Variants in TM4SF20 observed in about 807,000 individuals in gnomAD.
TM4SF20 encodes the protein transmembrane 4 L6 family member 20.
A neutral mutation model predicts 15.1 loss-of-function variants in TM4SF20; 13 were observed. The observed-to-expected ratio is 0.86, with a 90% CI of 0.56 to 1.36. TM4SF20 has a LOEUF of 1.36. Ranked by LOEUF, TM4SF20 falls within the 40% of genes most tolerant of loss-of-function variation. TM4SF20 has a pLI of 0.00. For missense variants in TM4SF20, 282 were observed against 268.4 expected (o/e 1.05, Z -0.35); for synonymous variants, 92 against 96.6 (o/e 0.95, Z 0.28).
chr2:227,370,821 G>T, intron 2 of TM4SF20, 94 bp downstream of exon 2: 2 of 991,908 alleles, frequency 2.0e-6, no homozygotes, highest in Non-Finnish European at 3.2e-6. Flanking sequence ...GCCCCACTGT[G>T]ATTCGGTAGA....
At chr2:227,369,445 TG>T (rs2076409880) in intron 2 of TM4SF20, among the ~76,000 whole-genome samples, 1 of 150,786 alleles carries the variant, frequency 6.6e-6, no homozygotes, top group Non-Finnish European at 1.5e-5. Flanking sequence ...TTTTTTTTTT[TG>T]AGAGAGTCTT....
intron 2 of TM4SF20, among the ~76,000 whole-genome samples, chr2:227,366,716 CAAAAAAAAAAAAAAAAAAAAAAA>C (rs59401554): frequency 4.4e-5 from 3 of 68,188 alleles, no homozygotes; most frequent in Non-Finnish European, 5.5e-5. Flanking sequence ...AAGACTCTGT[CAAAAAAAAAAAAAAAAAAAAAAA>C]AAAAAAAAAA....
intron 1 of TM4SF20, among the ~76,000 whole-genome samples, chr2:227,375,919 CCTTT>C (rs1560007317): frequency 6.6e-6 from 1 of 152,034 alleles, no homozygotes; most frequent in African/African-American, 2.4e-5. Flanking sequence ...AATAAAATGG[CCTTT>C]CTGTTTATAT....
rs1419400139 is a variant in TM4SF20 at position 227,372,243 on chromosome 2, G to A, written c.184-1263C>T. Among the ~76,000 whole-genome samples, 4 of 152,088 alleles carry A rather than the reference G, an allele frequency of 2.6e-5. No individual in the cohort carries two copies. In the South Asian group the frequency reaches 6.2e-4, roughly 24 times the overall value. On this transcript the variant is annotated intron_variant, in intron 1 of 3. Transcript: ENST00000304568. ...TTCCATCCTCATAATAATCCTATGA[G>A]GTAGGTGCTATTATTATTCCCATTT...
intron 1 of TM4SF20, among the ~76,000 whole-genome samples, chr2:227,377,029 C>T (rs1213444809): frequency 2.6e-5 from 4 of 152,228 alleles, no homozygotes; most frequent in Non-Finnish European, 5.9e-5. Flanking sequence ...TCTTTCTCTT[C>T]TCTCCCTGCC....
chr2:227,377,085 T>C (rs2076454846), intron 1 of TM4SF20, among the ~76,000 whole-genome samples: 1 of 152,166 alleles, frequency 6.6e-6, no homozygotes, highest in Non-Finnish European at 1.5e-5. Flanking sequence ...GATGTAGGTA[T>C]GTGTCATCGC....
intron 1 of TM4SF20, among the ~76,000 whole-genome samples, chr2:227,373,261 A>T (rs955757965): frequency 6.7e-6 from 1 of 149,666 alleles, no homozygotes; most frequent in Admixed American, 6.6e-5. Flanking sequence ...CTGATGATGT[A>T]CTGCCTCCAT....
chr2:227,378,365 A>G (rs1257159998), intron 1 of TM4SF20, among the ~76,000 whole-genome samples: 3 of 152,226 alleles, frequency 2.0e-5, no homozygotes, highest in Non-Finnish European at 4.4e-5. Context: ...CAGAATTCTC[A>G]GGAGAAAATC....
chr2:227,367,444 A>C (rs1486545249), intron 2 of TM4SF20, among the ~76,000 whole-genome samples: 1 of 151,934 alleles, frequency 6.6e-6, no homozygotes, highest in African/African-American at 2.4e-5. Context: ...GAGGCCAAGG[A>C]GGGTAGATTG....
intron 1 of TM4SF20, among the ~76,000 whole-genome samples, chr2:227,377,607 T>C (rs2076457250): frequency 1.3e-5 from 2 of 152,232 alleles, no homozygotes; most frequent in Non-Finnish European, 2.9e-5. Flanking sequence ...TAGAAAACTA[T>C]GTCCTGAATT....
intron 1 of TM4SF20, among the ~76,000 whole-genome samples, chr2:227,372,747 C>T (rs1238485559): frequency 2.0e-5 from 3 of 152,142 alleles, no homozygotes; most frequent in Non-Finnish European, 4.4e-5. Flanking sequence ...CTCTGTCACC[C>T]AGGCTGAAGT....
intron 1 of TM4SF20, among the ~76,000 whole-genome samples, chr2:227,372,884 C>A (rs899843387): frequency 5.3e-5 from 8 of 151,908 alleles, no homozygotes; most frequent in Admixed American, 1.3e-4. Context: ...TTAATTTATT[C>A]TGGGGGGCAT....
Position 227,362,837 on chromosome 2 carries a change from C to T in TM4SF20, c.*887G>A, listed in dbSNP as rs368363948. 1.3e-5 allele frequency: 2 copies of T among 152,182 alleles called. No homozygotes were observed. Among genetic ancestry groups the T allele is most frequent in the African/African-American group, 4.8e-5 (2 of 41,438 alleles). The allele number at this position is 152,182 out of a possible 1,614,324, so 9.4% of individuals were successfully genotyped here. On this transcript the variant is annotated 3_prime_UTR_variant, in exon 4 of 4. Transcript: ENST00000304568. Reference sequence around the variant, plus strand: ...TTTATACTATAAAACCATTATCAGACCTACCAAAATTAACAATAATCCGAT... The same window carrying T: ...TTTATACTATAAAACCATTATCAGATCTACCAAAATTAACAATAATCCGAT...
intron 1 of TM4SF20, among the ~76,000 whole-genome samples, chr2:227,377,836 G>A (rs2076459140): frequency 6.6e-6 from 1 of 152,152 alleles, no homozygotes; most frequent in African/African-American, 2.4e-5. Flanking sequence ...GGAGAGTGGA[G>A]GGTGGGAGGA....
intron 1 of TM4SF20, 43 bp downstream of exon 1, chr2:227,379,043 A>G: frequency 6.3e-7 from 1 of 1,589,122 alleles, no homozygotes; most frequent in Non-Finnish European, 8.6e-7. Flanking sequence ...TTGGTGAAAT[A>G]GGCAGGCCCT....
At chr2:227,379,025 T>C (rs1466145098) in intron 1 of TM4SF20, 61 bp downstream of exon 1, 1 of 1,544,542 alleles carries the variant, frequency 6.5e-7, no homozygotes, top group Non-Finnish European at 8.8e-7. Context: ...AAGACAGCTT[T>C]TAGGATTTTG....
intron 1 of TM4SF20, among the ~76,000 whole-genome samples, chr2:227,377,900 C>T (rs915421734): frequency 1.5e-4 from 23 of 151,682 alleles, no homozygotes; most frequent in African/African-American, 3.2e-4. Flanking sequence ...ATCTGGATGA[C>T]GAAATAATCT....
At chr2:227,378,012 C>T (rs761073285) in intron 1 of TM4SF20, among the ~76,000 whole-genome samples, 2 of 151,828 alleles carry the variant, frequency 1.3e-5, no homozygotes, top group African/African-American at 2.4e-5. Context: ...AAGTCACCTC[C>T]GTGTTTTATT....
chr2:227,380,905 A>AG (rs1388251173), upstream of TM4SF20, among the ~76,000 whole-genome samples: 5 of 152,210 alleles, frequency 3.3e-5, no homozygotes, highest in African/African-American at 4.8e-5. Context: ...GCTCCAGACT[A>AG]GGGGGTCCAG....
Sources: allele counts gnomAD v4.1 joint callset (sites outside exome capture counted in the v4.1 genomes callset), GRCh38; gene constraint gnomAD v4.1.1; transcripts MANE v1.5; gene names NCBI Gene and HGNC (gene_info 2026-07-23, HGNC 2026-07-21).